CEP250: variants seen among roughly 807,000 people sequenced by gnomAD.
The protein encoded by CEP250 is centrosomal protein 250.
A neutral mutation model predicts 315.7 loss-of-function variants in CEP250; 242 were observed. That is an observed-to-expected ratio of 0.77 (90% CI 0.69 to 0.85). The LOEUF (loss-of-function observed/expected upper bound fraction) is 0.85, where lower values mean the gene tolerates loss of function less well. Ranked by LOEUF, CEP250 falls within the 40% of genes least tolerant of loss-of-function variation. The pLI is 0.00. For synonymous variants in CEP250, 1,088 were observed against 1,175.0 expected, an observed-to-expected ratio of 0.93 and a Z score of 1.51; for missense variants, 2,515 against 2,886.4, an observed-to-expected ratio of 0.87 and a Z score of 2.95.
Position 35,473,954 on chromosome 20 carries a change from G to A in CEP250, c.1473G>A (p.Arg491=), listed in dbSNP as rs1479650432. 6.2e-7 allele frequency: 1 copy of A among 1,611,586 alleles called. No individual in the cohort carries two copies. The highest frequency in any genetic ancestry group is 1.7e-5 in the Admixed American group (1 of 59,216). Residue 491 remains arginine, a synonymous_variant, in exon 14 of 35, where the codon AGG becomes AGA. Transcript: ENST00000397527. ...VLEQEAWRLR[R]VNVELQLQGD... is the part of the protein sequence containing the mutation. ...AGCAGGAGGCATGGCGCCTGCGAAG[G>A]GTAAATGTGGAGCTTCAGCTGCAGG...
intron 20 of CEP250, among the ~76,000 whole-genome samples, chr20:35,485,059 C>G (rs1280941244): frequency 1.1e-5 from 1 of 89,952 alleles, no homozygotes; most frequent in Non-Finnish European, 2.1e-5. Flanking sequence ...AAGACCCTAT[C>G]TCTTTAAAAA....
rs373869925 is a variant in CEP250, at chr20:35,504,407, G to A, written c.6038G>A (p.Arg2013Gln). 1.6e-5 allele frequency: 25 copies of A among 1,606,070 alleles called. No homozygotes were observed. Among genetic ancestry groups the A allele is most frequent in the East Asian group, 1.3e-4 (6 of 44,584 alleles). The change falls in exon 30 of 35, where the codon CGG becomes CAG. Residue 2013 changes from arginine (R) to glutamine (Q), a missense_variant. By Grantham distance (43) the Arg-to-Gln change is conservative. Transcript: ENST00000397527. ...CTGGATGCCTGCCAGGCACACAGTC[G>A]GCAGCTGGAGGAGGCTCTGAGGATA... ...ASLDACQAHS[R>Q]QLEEALRIQE...
Position 35,508,164 on chromosome 20 carries a change from G to A in CEP250, c.6880G>A (p.Val2294Ile). The A allele has an allele frequency of 6.2e-7, 1 of 1,614,090 alleles. No individual in the cohort carries two copies. The highest frequency in any genetic ancestry group is 1.3e-5 in the African/African-American group (1 of 75,020). The change falls in exon 32 of 35, where the codon GTC becomes ATC. Residue 2294 changes from valine to isoleucine, a missense_variant. Physicochemically the swap from Val to Ile is conservative, Grantham distance 29. Transcript: ENST00000397527. ...IDRSRLQRHN[V>I]QLRSTLEQVE... is the part of the protein sequence containing the mutation. The stretch of plus-strand genomic sequence containing the variant: ...CAGGAGCAGGCTGCAGCGCCACAAT[G>A]TCCAGCTGCGGAGTACCTTGGAGCA...
intron 27 of CEP250, 129 bp from the exon 28 acceptor site, chr20:35,499,920 C>A: frequency 8.7e-7 from 1 of 1,155,308 alleles, no homozygotes; most frequent in Non-Finnish European, 1.3e-6. Context: ...AGGAAGTAAC[C>A]CGGCAATCTG....
At chr20:35,491,506 C>T (rs149687328) in intron 22 of CEP250, among the ~76,000 whole-genome samples, 160 bp downstream of exon 22, 411 of 152,246 alleles carry the variant, frequency 2.7e-3, no homozygotes, top group Non-Finnish European at 4.3e-3. Context: ...GGGTAGATCA[C>T]GCCTGTAATC....
At chr20:35,477,837 G>A (rs775519745) in intron 16 of CEP250, 34 bp from the exon 17 acceptor site, 20 of 1,508,768 alleles carry the variant, frequency 1.3e-5, no homozygotes, top group Middle Eastern at 1.7e-4. Flanking sequence ...ATTTGTCTTT[G>A]ATGCTTGTAC....
Position 35,466,192 on chromosome 20 carries a change from G to A in CEP250, c.480G>A (p.Gln160=). The change falls in exon 7 of 35, where the codon CAG becomes CAA. Residue 160 remains glutamine, a synonymous_variant. Coordinates refer to ENST00000397527, the MANE Select transcript of CEP250 (RefSeq NM_007186.6). ...TAATGAGGAAGGAGAGCCAGTGGCA[G>A]ATGGAGCAGGAGGTAGGAAGAACGG... ...DELMRKESQW[Q]MEQEFFKGYL... 6.3e-6 allele frequency: 10 copies of A among 1,594,048 alleles called. No individual in the cohort carries two copies. The highest frequency in any genetic ancestry group is 8.6e-6 in the Non-Finnish European group (10 of 1,168,558).
intron 29 of CEP250, 62 bp from the exon 30 acceptor site, chr20:35,502,328 G>C: frequency 1.5e-6 from 2 of 1,360,848 alleles, no homozygotes; most frequent in Non-Finnish European, 2.0e-6. Flanking sequence ...GAGAAGGGTC[G>C]GTGTTGGGGT....
intron 9 of CEP250, among the ~76,000 whole-genome samples, chr20:35,467,943 C>CTTTTT (rs10649518): frequency 0.013 from 1,545 of 117,878 alleles, 35 homozygotes; most frequent in Non-Finnish European, 0.016. Flanking sequence ...AATATTACCT[C>CTTTTT]TTTTTTTTTT....
At chr20:35,475,318 A>G (rs972129983) in intron 14 of CEP250, among the ~76,000 whole-genome samples, 184 bp from the exon 15 acceptor site, 5 of 152,222 alleles carry the variant, frequency 3.3e-5, no homozygotes, top group Non-Finnish European at 7.3e-5. Flanking sequence ...AAGGTAGTGT[A>G]TCATGTATAT....
At chr20:35,470,478 G>A (rs369159678) in intron 10 of CEP250, among the ~76,000 whole-genome samples, 5 of 152,176 alleles carry the variant, frequency 3.3e-5, no homozygotes, top group Admixed American at 6.5e-5. Context: ...GGCCGGGCGC[G>A]GTGGCTCACG....
chr20:35,473,387 A>T lies in CEP250; in HGVS notation c.1223A>T (p.Gln408Leu). Residue 408 changes from glutamine (Q) to leucine (L), a missense_variant, in exon 13 of 35, where the codon CAG becomes CTG. Physicochemically the swap from Gln to Leu is moderately radical, Grantham distance 113. Coordinates refer to ENST00000397527, the MANE Select transcript of CEP250 (RefSeq NM_007186.6). ...CTCTCTCCACAGGACCTAAGGCAGC[A>T]GCTTGCAGGCTGTCAAGAGGCTGTG... ...RRQAVQDLRQ[Q>L]LAGCQEAVNL... The T allele has an allele frequency of 1.2e-6, 2 of 1,613,566 alleles. No homozygotes were observed. Among genetic ancestry groups the T allele is most frequent in the Non-Finnish European group, 1.7e-6 (2 of 1,179,622 alleles).
chr20:35,497,611 C>A, intron 25 of CEP250, 108 bp from the exon 26 acceptor site: 1 of 779,540 alleles, frequency 1.3e-6, no homozygotes, highest in Non-Finnish European at 2.1e-6. Context: ...GAAATCCTCC[C>A]AGCCCTGATC....
intron 27 of CEP250, among the ~76,000 whole-genome samples, chr20:35,499,293 C>T (rs1400368439): frequency 6.6e-6 from 1 of 152,130 alleles, no homozygotes; most frequent in Non-Finnish European, 1.5e-5. Context: ...CACAAAAAAA[C>T]CCTGGGCAGA....
intron 13 of CEP250, 152 bp from the exon 14 acceptor site, chr20:35,473,718 T>A (rs2063089087): frequency 1.0e-6 from 1 of 994,952 alleles, no homozygotes; most frequent in African/African-American, 1.6e-5. Flanking sequence ...GAACAAGCTT[T>A]TGGGGTTGGA....
At chr20:35,486,598 G>A (rs547279126) in intron 20 of CEP250, among the ~76,000 whole-genome samples, 2 of 152,020 alleles carry the variant, frequency 1.3e-5, no homozygotes, top group South Asian at 2.1e-4. Context: ...TTATTTTCCT[G>A]CTGGTTCTGT....
rs1349128379 is a variant in CEP250, at chr20:35,480,160, T to C, written c.2586+15T>C. 3 of 1,599,910 alleles carry C rather than the reference T, an allele frequency of 1.9e-6. No homozygotes were observed. The South Asian group carries it at 3.4e-5, about 18-fold the overall frequency. On this transcript the variant is annotated intron_variant, in intron 20 of 34. Transcript: ENST00000397527. ...GGGAGAAATGGGTAAGTGGTCAATG[T>C]GGCCGGGTATGGCCTCCCTTCCATG...
intron 7 of CEP250, 129 bp from the exon 8 acceptor site, chr20:35,466,837 C>G (rs1568760142): frequency 1.6e-6 from 1 of 639,290 alleles, no homozygotes; most frequent in South Asian, 1.9e-5. Flanking sequence ...TGGATAGATA[C>G]CCATTCATAA....
Position 35,503,601 on chromosome 20 carries a change from T to C in CEP250, c.5232T>C (p.His1744=). 2 of 1,613,940 alleles carry C rather than the reference T, an allele frequency of 1.2e-6. No individual in the cohort carries two copies. The highest frequency in any genetic ancestry group is 1.3e-5 in the African/African-American group (1 of 74,972). ...AGGAGGTGGAATGTCAGCAGGAGCATATCCATGAACTCCAGGAGCTCAAAG... is the reference window on the plus strand; with the variant it reads ...AGGAGGTGGAATGTCAGCAGGAGCACATCCATGAACTCCAGGAGCTCAAAG... ...KEKEVECQQE[H]IHELQELKDQ... is the part of the protein sequence containing the mutation. The change falls in exon 30 of 35, where the codon CAT becomes CAC. Residue 1744 remains histidine (H), a synonymous_variant. Transcript: ENST00000397527. This position sits in a 1 kb window ranked among gnomAD's most constrained non-coding sequence, Gnocchi z 4.2.
Sources: gnomAD v4.1 joint callset for allele counts (sites outside exome capture counted in the v4.1 genomes callset) on GRCh38, gnomAD v4.1.1 for gene constraint, Gnocchi (gnomAD v3.1) non-coding constraint, MANE v1.5 for transcripts, NCBI Gene and HGNC (gene_info 2026-07-23, HGNC 2026-07-21) for gene names.